PIGN: variants seen among roughly 807,000 people sequenced by gnomAD.
PIGN encodes phosphatidylinositol glycan anchor biosynthesis class N.
In PIGN, 117 loss-of-function variants were observed where a neutral mutation model predicts 125.4. That is an observed-to-expected ratio of 0.93 (90% CI 0.80 to 1.09). The LOEUF (loss-of-function observed/expected upper bound fraction) is 1.09. Ranked by LOEUF, PIGN falls within the 50% of genes least tolerant of loss-of-function variation. The pLI, the probability that PIGN is intolerant of heterozygous loss-of-function variation, is 0.00. For synonymous variants in PIGN, 392 were observed against 377.8 expected (o/e 1.04, Z -0.44); for missense variants, 1,075 against 1,094.9 (o/e 0.98, Z 0.26).
At chr18:62,116,969 T>A (rs2035109446) in intron 14 of PIGN, among the ~76,000 whole-genome samples, 1 of 152,114 alleles carries the variant, frequency 6.6e-6, no homozygotes, top group East Asian at 1.9e-4. Context: ...GAGAAATATT[T>A]ACATTATATA....
chr18:62,139,942 T>G (rs1311577238), intron 12 of PIGN, among the ~76,000 whole-genome samples: 3 of 152,204 alleles, frequency 2.0e-5, no homozygotes, highest in Non-Finnish European at 4.4e-5. Context: ...CACCAATATC[T>G]TTTCAATAAT....
intron 1 of PIGN, among the ~76,000 whole-genome samples, chr18:62,178,015 G>A (rs1192833270): frequency 6.6e-6 from 1 of 152,066 alleles, no homozygotes; most frequent in African/African-American, 2.4e-5. Context: ...TGCATTACAT[G>A]TAATTTTTGC....
chr18:62,052,510 G>C (rs1463200100), intron 30 of PIGN: 1 of 137,954 alleles, frequency 7.2e-6, no homozygotes, highest in African/African-American at 2.7e-5. Context: ...TTTTATCAGA[G>C]ACTAGGATTG....
At chr18:62,166,503 C>T (rs779410138) in intron 1 of PIGN, among the ~76,000 whole-genome samples, 1 of 152,172 alleles carries the variant, frequency 6.6e-6, no homozygotes, top group Non-Finnish European at 1.5e-5. Flanking sequence ...GTGGCAATTT[C>T]TCAAGGATCT....
Position 62,161,326 on chromosome 18 carries a change from G to C in PIGN, c.28C>G (p.Leu10Val). Residue 10 changes from leucine to valine, a missense_variant, in exon 4 of 31, where the codon CTT becomes GTT. By Grantham distance (32) the Leu-to-Val change is conservative. Around this residue, in one of 3 missense-constraint regions of PIGN, gnomAD observed 152 missense variants for 162.9 expected, o/e 0.93. Coordinates refer to ENST00000640252, the MANE Select transcript of PIGN (RefSeq NM_176787.5). ...GAGGCGAAGAACACAAAATGTATAAGCAATCCCAAAGTAAAGAACAGCAGC... is the reference window on the plus strand; with the variant it reads ...GAGGCGAAGAACACAAAATGTATAACCAATCCCAAAGTAAAGAACAGCAGC... MLLFFTLGL[L>V]IHFVFFASIF... 6.2e-7 allele frequency: 1 copy of C among 1,612,774 alleles called. No homozygotes were observed. Among genetic ancestry groups the C allele is most frequent in the African/African-American group, 1.3e-5 (1 of 75,024 alleles).
intron 14 of PIGN, among the ~76,000 whole-genome samples, chr18:62,118,062 C>T (rs2035157063): frequency 6.6e-6 from 1 of 151,978 alleles, no homozygotes; most frequent in Non-Finnish European, 1.5e-5. Flanking sequence ...ATTATCTCTT[C>T]AATATATTGA....
intron 30 of PIGN, among the ~76,000 whole-genome samples, chr18:62,048,694 T>A (rs1451293103): frequency 1.1e-5 from 1 of 92,930 alleles, no homozygotes; most frequent in Non-Finnish European, 2.3e-5. Flanking sequence ...AGTTTTCTTT[T>A]CTTTTTTTTT....
chr18:62,120,142 T>C (rs1461151289), intron 14 of PIGN, among the ~76,000 whole-genome samples: 1 of 151,864 alleles, frequency 6.6e-6, no homozygotes, highest in Admixed American at 6.6e-5. Flanking sequence ...AAGAAAACCA[T>C]GTATATGGAC....
intron 4 of PIGN, among the ~76,000 whole-genome samples, chr18:62,158,691 A>T (rs544843870): frequency 6.5e-4 from 99 of 152,358 alleles, no homozygotes; most frequent in African/African-American, 2.3e-3. Context: ...TCTAAAGAAA[A>T]ATATTTATAA....
At chr18:62,145,144 T>G (rs766119946) in intron 10 of PIGN, among the ~76,000 whole-genome samples, 11 of 152,308 alleles carry the variant, frequency 7.2e-5, no homozygotes, top group South Asian at 6.2e-4. Context: ...ACTAGAATGT[T>G]AAGTTCTGAG....
chr18:62,154,680 T>A (rs1360015044), intron 6 of PIGN, 29 bp from the exon 7 acceptor site: 1 of 1,013,734 alleles, frequency 9.9e-7, no homozygotes, highest in Non-Finnish European at 1.5e-6. Flanking sequence ...AAAAATAATC[T>A]TTTTACAAAA....
chr18:62,046,246 G>A (rs754372185), intron 30 of PIGN, among the ~76,000 whole-genome samples: 15 of 151,982 alleles, frequency 9.9e-5, no homozygotes, highest in Admixed American at 7.9e-4. Flanking sequence ...ATATAAAATG[G>A]TGCCGTATTT....
Position 62,058,552 on chromosome 18 carries a change from G to T in PIGN, c.2673-12573C>A, listed in dbSNP as rs116416455. ...ATTTTCAAAAGTATTTACTCACATG[G>T]GGAAATGGTTATTATAGAAAACCAT... On this transcript the variant is annotated intron_variant, in intron 30 of 30. Transcript: ENST00000640252. 9.7e-4 allele frequency among the ~76,000 whole-genome samples: 147 copies of T among 152,222 alleles called. 1 individual carries two copies. The highest frequency in any genetic ancestry group is 3.4e-3 in the African/African-American group (143 of 41,512).
intron 10 of PIGN, 31 bp downstream of exon 10, chr18:62,145,878 T>G: frequency 9.5e-7 from 1 of 1,053,882 alleles, no homozygotes; most frequent in Middle Eastern, 2.1e-4. Context: ...TAAGAGGTTG[T>G]ATTTATAAAC....
chr18:62,174,781 A>T (rs2037463029), intron 1 of PIGN, among the ~76,000 whole-genome samples: 2 of 151,848 alleles, frequency 1.3e-5, no homozygotes, highest in Admixed American at 1.3e-4. Context: ...CAATATTTTT[A>T]AAAACATACA....
chr18:62,159,792 G>C (rs2036875123), intron 4 of PIGN, among the ~76,000 whole-genome samples: 2 of 115,336 alleles, frequency 1.7e-5, no homozygotes, highest in Admixed American at 2.0e-4. Flanking sequence ...CCAGTCTCAT[G>C]GAACTTTCAT....
intron 23 of PIGN, among the ~76,000 whole-genome samples, chr18:62,020,853 C>T (rs148413774): frequency 0.042 from 6,356 of 150,510 alleles, 168 homozygotes; most frequent in Non-Finnish European, 0.063. Flanking sequence ...CCCAGCTACT[C>T]GGGAGACTGA....
intron 1 of PIGN, among the ~76,000 whole-genome samples, chr18:62,166,530 T>C (rs1314189297): frequency 1.3e-5 from 2 of 152,190 alleles, no homozygotes; most frequent in Admixed American, 6.5e-5. Flanking sequence ...AGAAATACCA[T>C]TTGACCCAGC....
chr18:62,038,532 G>A (rs2030292742), downstream of PIGN, among the ~76,000 whole-genome samples: 1 of 152,040 alleles, frequency 6.6e-6, no homozygotes, highest in Non-Finnish European at 1.5e-5. Context: ...AAAATTTTTG[G>A]CTCCTGCCAG....
Sources: allele counts gnomAD v4.1 joint callset (sites outside exome capture counted in the v4.1 genomes callset), GRCh38; gene constraint gnomAD v4.1.1; regional missense constraint gnomAD v4.1.1; transcripts MANE v1.5; gene names NCBI Gene and HGNC (gene_info 2026-07-23, HGNC 2026-07-21).